The following EPG5 variants were observed in gnomAD, a reference collection of about 807,000 sequenced individuals.
EPG5 encodes the protein ectopic P-granules 5 autophagy tethering factor.
In EPG5, 159 loss-of-function variants were observed where a neutral mutation model predicts 302.7. That is an observed-to-expected ratio of 0.53 (90% CI 0.46 to 0.60). The LOEUF (loss-of-function observed/expected upper bound fraction) is 0.60, where lower values mean the gene tolerates loss of function less well. Among genes scored for constraint, EPG5 ranks in the 20% least tolerant of loss-of-function variants. The probability of loss-of-function intolerance (pLI) is 0.00; values close to 1 mark genes in which losing one functional copy is unlikely to be tolerated. For missense variants in EPG5, 2,896 were observed against 3,092.4 expected, an observed-to-expected ratio of 0.94 and a Z score of 1.51; for synonymous variants, 1,158 against 1,136.8, an observed-to-expected ratio of 1.02 and a Z score of -0.37.
intron 9 of EPG5, 118 bp from the exon 10 acceptor site, chr18:45,939,873 A>T: frequency 1.1e-6 from 1 of 893,398 alleles, no homozygotes; most frequent in Non-Finnish European, 1.7e-6. Context: ...CTATCCACCT[A>T]CTATTGTCCA....
chr18:45,881,942 G>A (rs909840339), intron 31 of EPG5, among the ~76,000 whole-genome samples: 22 of 152,264 alleles, frequency 1.4e-4, no homozygotes, highest in African/African-American at 5.3e-4. Context: ...CAGATCTGTC[G>A]TCTGCAGAGT....
At chr18:45,825,584 G>A in the EPG5 span, 1 of 753,872 alleles carries the variant, frequency 1.3e-6, no homozygotes, top group Non-Finnish European at 2.2e-6. Flanking sequence ...AGTTCCTCCG[G>A]CTCCCGCAGA....
intron 16 of EPG5, among the ~76,000 whole-genome samples, chr18:45,921,756 G>T (rs747183889): frequency 4.0e-5 from 6 of 151,848 alleles, no homozygotes; most frequent in Non-Finnish European, 8.8e-5. Context: ...GGTGGAAATT[G>T]AACAATGAGA....
At chr18:45,830,583 C>CTTTTTTTTTTTTTTTTTTTTT in the EPG5 span, among the ~76,000 whole-genome samples, 1 of 96,702 alleles carries the variant, frequency 1.0e-5, no homozygotes, top group Non-Finnish European at 1.9e-5. Flanking sequence ...ATTTTTCTTT[C>CTTTTTTTTTTTTTTTTTTTTT]TTTTTTTTTT....
the EPG5 span, among the ~76,000 whole-genome samples, chr18:45,808,341 T>C: frequency 4.8e-3 from 738 of 152,292 alleles, 8 homozygotes; most frequent in African/African-American, 0.017. Flanking sequence ...CCAGACTTGC[T>C]AGAGATCTAG....
At chr18:45,937,304 ATATT>A (rs2050556224) in intron 10 of EPG5, among the ~76,000 whole-genome samples, 2 of 150,520 alleles carry the variant, frequency 1.3e-5, no homozygotes, top group Non-Finnish European at 1.5e-5. Flanking sequence ...ATACACGTAT[ATATT>A]TATATAGGTA....
the EPG5 span, among the ~76,000 whole-genome samples, chr18:45,829,777 TCCAGCTCTGAGGGC>T: frequency 2.0e-5 from 3 of 152,238 alleles, no homozygotes; most frequent in Non-Finnish European, 2.9e-5. Context: ...CCTGAGGGAC[TCCAGCTCTGAGGGC>T]CACAATGCTG....
intron 23 of EPG5, among the ~76,000 whole-genome samples, chr18:45,909,430 CAG>C (rs1286119217): frequency 6.6e-6 from 1 of 152,150 alleles, no homozygotes; most frequent in African/African-American, 2.4e-5. Context: ...TGGAGGCTGA[CAG>C]AGAGTCGTAA....
intron 8 of EPG5, among the ~76,000 whole-genome samples, chr18:45,943,704 G>A (rs778841418): frequency 3.3e-5 from 5 of 152,064 alleles, no homozygotes; most frequent in East Asian, 1.9e-4. Context: ...GGCGGATCAC[G>A]AAGTCAGGAG....
In EPG5 at chr18:45,955,354, A is replaced by G; in HGVS notation, c.64-16T>C. 6.9e-7 allele frequency: 1 copy of G among 1,449,406 alleles called. No homozygotes were observed. The highest frequency in any genetic ancestry group is 9.3e-7 in the Non-Finnish European group (1 of 1,078,222). 89.8% of individuals were successfully genotyped at this position (1,449,406 alleles called of 1,614,324 possible). On this transcript the variant is annotated splice_polypyrimidine_tract_variant and intron_variant, in intron 1 of 43. Coordinates refer to ENST00000282041, the MANE Select transcript of EPG5 (RefSeq NM_020964.3). ...TCTTCTTTTCCTAAAAACAACATAC[A>G]TAATGTGAAATAATTTATCACAATA... is the stretch of plus-strand genomic sequence containing the variant.
chr18:45,864,969 G>C (rs1196145987), intron 39 of EPG5, among the ~76,000 whole-genome samples: 1 of 152,136 alleles, frequency 6.6e-6, no homozygotes, highest in African/African-American at 2.4e-5. Flanking sequence ...TGTGGATTAT[G>C]CATCGGATTT....
the EPG5 span, among the ~76,000 whole-genome samples, chr18:45,828,898 G>A: frequency 7.9e-5 from 12 of 152,238 alleles, no homozygotes; most frequent in Non-Finnish European, 1.3e-4. Flanking sequence ...GGTCAGGACC[G>A]GAGGACATGG....
At chr18:45,936,720 C>CAAA (rs762675563) in intron 10 of EPG5, among the ~76,000 whole-genome samples, 68 of 53,828 alleles carry the variant, frequency 1.3e-3, no homozygotes, top group African/African-American at 4.8e-3. Flanking sequence ...GACTCCATTT[C>CAAA]AAAAAAAAAA....
chr18:45,870,479 T>G (rs927353730), intron 36 of EPG5, 88 bp downstream of exon 36: 5 of 1,186,040 alleles, frequency 4.2e-6, no homozygotes, highest in Non-Finnish European at 5.9e-6. Flanking sequence ...TAGCACACAC[T>G]GCCACTATGC....
chr18:45,949,044 C>T (rs2050847244), intron 5 of EPG5, among the ~76,000 whole-genome samples: 1 of 152,174 alleles, frequency 6.6e-6, no homozygotes, highest in African/African-American at 2.4e-5. Flanking sequence ...ACCACATAGT[C>T]AACTCCTAAG....
At chr18:45,901,309 T>C in intron 25 of EPG5, 142 bp from the exon 26 acceptor site, 1 of 709,622 alleles carries the variant, frequency 1.4e-6, no homozygotes, top group South Asian at 2.1e-5. Context: ...CTCATGATCT[T>C]AAATTATTAC....
downstream of EPG5, chr18:45,843,998 T>G (rs1314456595): frequency 6.6e-6 from 1 of 152,192 alleles, no homozygotes; most frequent in African/African-American, 2.4e-5. Context: ...CAGCACTATT[T>G]GCAATAGCCA....
In EPG5 at chr18:45,848,350, CT is replaced by C. The variant is rs955104668; in HGVS notation, c.*4116del. The C allele has an allele frequency of 2.0e-5, 3 of 152,180 alleles. No homozygotes were observed. The highest frequency in any genetic ancestry group is 7.2e-5 in the African/African-American group (3 of 41,442). 9.4% of individuals were successfully genotyped at this position (152,180 alleles called of 1,614,324 possible). A position where few individuals can be genotyped will look rare whatever the true frequency, so the allele number is the denominator to read the frequency against. ...TAGTAGAGGATTAAGGGCAAAGTGC[CT>C]TGTTGTTAGGCCTGTCATGAAGATG... On this transcript the variant is annotated 3_prime_UTR_variant, in exon 44 of 44. Transcript: ENST00000282041.
At chr18:45,951,316 A>AT in intron 3 of EPG5, 78 bp from the exon 4 acceptor site, 1 of 1,073,224 alleles carries the variant, frequency 9.3e-7, no homozygotes, top group African/African-American at 1.6e-5. Context: ...ACTTAAACCA[A>AT]TAACAACAAA....
Sources: allele counts gnomAD v4.1 joint callset (sites outside exome capture counted in the v4.1 genomes callset), GRCh38; gene constraint gnomAD v4.1.1; transcripts MANE v1.5; gene names NCBI Gene and HGNC (gene_info 2026-07-23, HGNC 2026-07-21).